Variants in SNTB2 observed in about 807,000 individuals in gnomAD.
SNTB2 encodes syntrophin beta 2, also known as beta-2-syntrophin.
A neutral mutation model predicts 46.2 loss-of-function variants in SNTB2; 34 were observed. That is an observed-to-expected ratio of 0.74 (90% CI 0.56 to 0.98). The LOEUF is 0.98. Among genes scored for constraint, SNTB2 ranks in the 50% least tolerant of loss-of-function variants. The probability of loss-of-function intolerance (pLI) is 0.00; values close to 1 mark genes in which losing one functional copy is unlikely to be tolerated. For synonymous variants in SNTB2, 290 were observed against 312.6 expected (o/e 0.93, Z 0.76); for missense variants, 603 against 731.4 (o/e 0.82, Z 2.02).
chr16:69,294,402 C>G (rs1286891658), intron 5 of SNTB2, among the ~76,000 whole-genome samples: 1 of 152,032 alleles, frequency 6.6e-6, no homozygotes, highest in Non-Finnish European at 1.5e-5. Flanking sequence ...ATCAGTCAGT[C>G]CCATACACTG....
chr16:69,239,214 A>G (rs1964587274), intron 1 of SNTB2, among the ~76,000 whole-genome samples: 1 of 152,186 alleles, frequency 6.6e-6, no homozygotes, highest in Non-Finnish European at 1.5e-5. Context: ...CCTAACTACC[A>G]TATTTAAAAT....
chr16:69,208,971 A>AGTGTGT (rs570119837), intron 1 of SNTB2, among the ~76,000 whole-genome samples: 22 of 149,220 alleles, frequency 1.5e-4, no homozygotes, highest in Non-Finnish European at 2.1e-4. Context: ...TGAATTTTTG[A>AGTGTGT]GTGTGTGTGT....
intron 2 of SNTB2, among the ~76,000 whole-genome samples, chr16:69,255,173 C>G (rs1567408134): frequency 6.6e-6 from 1 of 152,050 alleles, no homozygotes; most frequent in Non-Finnish European, 1.5e-5. Flanking sequence ...TCATAGCTCA[C>G]TCTAGCCTCG....
In SNTB2 at chr16:69,304,351, A is replaced by G. The variant is rs1483733164; in HGVS notation, c.*3427A>G. 1 of 152,660 alleles carries G rather than the reference A, an allele frequency of 6.6e-6. No homozygotes were observed. 9.5% of individuals were successfully genotyped at this position (152,660 alleles called of 1,614,324 possible). A position where few individuals can be genotyped will look rare whatever the true frequency, so the allele number is the denominator to read the frequency against. On this transcript the variant is annotated 3_prime_UTR_variant, in exon 7 of 7. Transcript: ENST00000336278. ...ATACTGGAACATATATAGGCAGTCA[A>G]AAATACTACTTTAAATGTCATTCAC...
At chr16:69,252,939 G>T (rs1312384399) in intron 2 of SNTB2, among the ~76,000 whole-genome samples, 1 of 129,470 alleles carries the variant, frequency 7.7e-6, no homozygotes. Flanking sequence ...AGTCTTTGTC[G>T]CCCAGGCAGG....
chr16:69,287,827 C>A (rs1965119375), intron 5 of SNTB2, among the ~76,000 whole-genome samples: 1 of 151,850 alleles, frequency 6.6e-6, no homozygotes, highest in Non-Finnish European at 1.5e-5. Flanking sequence ...CCACTGCACT[C>A]CAACCTGGGC....
rs1567411466 is a variant in SNTB2, at chr16:69,270,208, G to C, written c.1071G>C (p.Leu357Phe). 1.9e-6 allele frequency: 3 copies of C among 1,614,112 alleles called. No homozygotes were observed. The highest frequency in any genetic ancestry group is 2.5e-6 in the Non-Finnish European group (3 of 1,180,028). Reference sequence around the variant, plus strand: ...TCATGGCTGTGACTGAGAAGGATTTGCTGCTCTATGACTGTATGCCGTGGA... The same window carrying C: ...TCATGGCTGTGACTGAGAAGGATTTCCTGCTCTATGACTGTATGCCGTGGA... ...PVLMAVTEKDLLLYDCMPWTR... is the reference protein window; with the variant it reads ...PVLMAVTEKDFLLYDCMPWTR... Residue 357 changes from leucine to phenylalanine, a missense_variant, in exon 4 of 7, where the codon TTG (leucine) becomes TTC (phenylalanine). This residue lies in a region of SNTB2 where 537 missense variants were observed against 692.4 expected (regional missense o/e 0.78). Transcript: ENST00000336278.
chr16:69,260,023 C>T, intron 2 of SNTB2, 27 bp from the exon 3 acceptor site: 2 of 1,198,202 alleles, frequency 1.7e-6, no homozygotes, highest in Non-Finnish European at 2.3e-6. Flanking sequence ...TCCTAGCTCA[C>T]TTTTTTTTTT....
At chr16:69,296,545 A>AT (rs1166433689) in intron 5 of SNTB2, among the ~76,000 whole-genome samples, 9 of 146,870 alleles carry the variant, frequency 6.1e-5, no homozygotes, top group East Asian at 4.2e-4. Context: ...ACATGGTGAA[A>AT]CCCTGTCTCT....
intron 5 of SNTB2, among the ~76,000 whole-genome samples, chr16:69,284,699 G>A (rs770523129): frequency 5.3e-5 from 8 of 152,136 alleles, no homozygotes; most frequent in South Asian, 2.1e-4. Context: ...GCTTGAACTC[G>A]GGAGGCGGAG....
intron 3 of SNTB2, among the ~76,000 whole-genome samples, chr16:69,262,414 A>G (rs1964843214): frequency 6.7e-6 from 1 of 150,082 alleles, no homozygotes; most frequent in Non-Finnish European, 1.5e-5. Flanking sequence ...GTTGATACTA[A>G]TTTTTATGTG....
chr16:69,283,164 T>G (rs142172039), intron 4 of SNTB2, among the ~76,000 whole-genome samples: 4 of 152,270 alleles, frequency 2.6e-5, no homozygotes, highest in Non-Finnish European at 5.9e-5. Flanking sequence ...TGTCTCTGTA[T>G]TGCCCAGATT....
intron 1 of SNTB2, among the ~76,000 whole-genome samples, chr16:69,237,237 A>C (rs183960133): frequency 5.9e-5 from 9 of 152,194 alleles, no homozygotes; most frequent in Non-Finnish European, 7.4e-5. Context: ...GATTATAGGG[A>C]TAGGAGGAGA....
At position 69,187,207 on chromosome 16, in the gene SNTB2, C is replaced by T. The variant is rs576544227; in HGVS notation, c.41C>T (p.Pro14Leu). 3 of 1,407,324 alleles carry T rather than the reference C, an allele frequency of 2.1e-6. No individual in the cohort carries two copies. Among genetic ancestry groups the T allele is most frequent in the Admixed American group, 3.0e-5 (1 of 33,426 alleles). 87.2% of individuals were successfully genotyped at this position (1,407,324 alleles called of 1,614,324 possible). The change falls in exon 1 of 7, where the codon CCG becomes CTG. Residue 14 changes from proline to leucine, a missense_variant. By Grantham distance (98) the Pro-to-Leu change is moderately conservative (BLOSUM62 -3). Coordinates refer to ENST00000336278, the MANE Select transcript of SNTB2 (RefSeq NM_006750.4). ...AAATAAAGAG[P>L]AMAVWTRATK... is the part of the protein sequence containing the mutation. Reference sequence around the variant, plus strand: ...GCGACTGCGGCGGCTGGAGCGGGGCCGGCCATGGCGGTGTGGACGCGGGCC... The same window carrying T: ...GCGACTGCGGCGGCTGGAGCGGGGCTGGCCATGGCGGTGTGGACGCGGGCC...
intron 5 of SNTB2, among the ~76,000 whole-genome samples, chr16:69,288,620 A>T (rs912378079): frequency 1.3e-5 from 2 of 152,200 alleles, no homozygotes; most frequent in African/African-American, 4.8e-5. Flanking sequence ...CATTACGGAA[A>T]ACAGTATGAA....
chr16:69,196,640 TG>T (rs1212278448), intron 1 of SNTB2, among the ~76,000 whole-genome samples: 2 of 152,290 alleles, frequency 1.3e-5, no homozygotes, highest in East Asian at 3.9e-4. Context: ...CCCAAAGTCC[TG>T]GGATTACAGG....
intron 2 of SNTB2, among the ~76,000 whole-genome samples, chr16:69,256,471 G>A (rs79314717): frequency 0.023 from 3,490 of 152,084 alleles, 133 homozygotes; most frequent in African/African-American, 0.08. Flanking sequence ...TCTACTCATT[G>A]AAAAACTCCC....
rs1002821020 is a variant in SNTB2 at position 69,235,798 on chromosome 16, G to A, written c.581-9804G>A. Reference sequence around the variant, plus strand: ...GACCAATATCAGGGGCACATCAGCTGCTGTACTAAGTTTCTTCAAATATCC... The same window carrying A: ...GACCAATATCAGGGGCACATCAGCTACTGTACTAAGTTTCTTCAAATATCC... On this transcript the variant is annotated intron_variant, in intron 1 of 6. Transcript: ENST00000336278. The A allele has an allele frequency of 3.1e-6, 4 of 1,289,216 alleles. No individual in the cohort carries two copies. In the African/African-American group the frequency reaches 6.1e-5, roughly 20 times the overall value. 79.9% of individuals were successfully genotyped at this position (1,289,216 alleles called of 1,614,324 possible).
intron 1 of SNTB2, among the ~76,000 whole-genome samples, chr16:69,225,668 C>T (rs1964451545): frequency 6.6e-6 from 1 of 152,130 alleles, no homozygotes; most frequent in Non-Finnish European, 1.5e-5. Flanking sequence ...CCTTTTATTC[C>T]TCAAGTAAAT....
Sources: allele counts gnomAD v4.1 joint callset (sites outside exome capture counted in the v4.1 genomes callset), GRCh38; gene constraint gnomAD v4.1.1; regional missense constraint gnomAD v4.1.1; transcripts MANE v1.5; gene names NCBI Gene and HGNC (gene_info 2026-07-23, HGNC 2026-07-21).